Variants in EEF1AKMT2 observed in about 807,000 individuals in gnomAD.
EEF1AKMT2 encodes eukaryotic translation elongation factor 1 alpha lysine methyltransferase 2.
EEF1AKMT2 carries 32 observed loss-of-function variants against 35.8 expected under a neutral mutation model. The observed-to-expected ratio is 0.89, with a 90% CI of 0.67 to 1.20. EEF1AKMT2 has a LOEUF of 1.20. Ranked by LOEUF, EEF1AKMT2 falls within the 50% of genes most tolerant of loss-of-function variation. The pLI is 0.00. For missense variants in EEF1AKMT2, 330 were observed against 347.5 expected (o/e 0.95, Z 0.40); for synonymous variants, 121 against 133.7 (o/e 0.91, Z 0.65).
downstream of EEF1AKMT2, among the ~76,000 whole-genome samples, chr10:124,757,201 C>CACACACACACACACAT (rs58336696): frequency 7.3e-6 from 1 of 137,328 alleles, no homozygotes; most frequent in African/African-American, 2.7e-5. Flanking sequence ...CACACACACA[C>CACACACACACACACAT]GACATTAGCT....
At chr10:124,790,558 T>C (rs1312879579) in intron 1 of EEF1AKMT2, among the ~76,000 whole-genome samples, 1 of 152,090 alleles carries the variant, frequency 6.6e-6, no homozygotes, top group East Asian at 1.9e-4. Flanking sequence ...GTAAAGCATT[T>C]AGGACAATAT....
chr10:124,788,665 T>C (rs1252568562), intron 3 of EEF1AKMT2, among the ~76,000 whole-genome samples: 1 of 141,200 alleles, frequency 7.1e-6, no homozygotes, highest in East Asian at 2.1e-4. Context: ...TGCTTACCTA[T>C]AAGATAAGAT....
intron 4 of EEF1AKMT2, among the ~76,000 whole-genome samples, chr10:124,768,031 T>C (rs1950394709): frequency 6.6e-6 from 1 of 152,136 alleles, no homozygotes; most frequent in South Asian, 2.1e-4. Context: ...TCTAAGGTGT[T>C]ATTTGAGCAA....
At position 124,790,324 on chromosome 10, in the gene EEF1AKMT2, TAGAC is replaced by T. The variant is rs1564911962; in HGVS notation, c.121_124del (p.Val41MetfsTer24). 6.2e-7 allele frequency: 1 copy of T among 1,611,272 alleles called. No individual in the cohort carries two copies. Among genetic ancestry groups the T allele is most frequent in the Non-Finnish European group, 8.5e-7 (1 of 1,177,442 alleles). Reference sequence around the variant, plus strand: ...TCGGAAAGTTTGCAGTTCTCTCTCATAGACAGCATCCCAACTATGTAAACAATGA... The same window carrying T: ...TCGGAAAGTTTGCAGTTCTCTCTCATAGCATCCCAACTATGTAAACAATGA... On this transcript the variant is annotated frameshift_variant, in exon 2 of 7. Coordinates refer to ENST00000368836, the MANE Select transcript of EEF1AKMT2 (RefSeq NM_212554.4). LOFTEE classifies it high-confidence loss of function.
chr10:124,757,266 A>G (rs1299903463), downstream of EEF1AKMT2, among the ~76,000 whole-genome samples: 1 of 151,622 alleles, frequency 6.6e-6, no homozygotes, highest in Non-Finnish European at 1.5e-5. Flanking sequence ...CTCAAAGCAG[A>G]GGGCTGTCCA....
chr10:124,759,747 C>T lies in EEF1AKMT2; in HGVS notation c.*756G>A, dbSNP rs1950314220. ...TCAATTACTTAATAAGACAACTTAA[C>T]ATAGCGCTAGCAAATAATAACATTC... is the stretch of plus-strand genomic sequence containing the variant. On this transcript the variant is annotated 3_prime_UTR_variant, in exon 7 of 7. Transcript: ENST00000368836. 6.6e-6 allele frequency: 1 copy of T among 152,218 alleles called. No individual in the cohort carries two copies. Among genetic ancestry groups the T allele is most frequent in the African/African-American group, 2.4e-5 (1 of 41,458 alleles). 9.4% of individuals were successfully genotyped at this position (152,218 alleles called of 1,614,324 possible). A position where few individuals can be genotyped will look rare whatever the true frequency, so the allele number is the denominator to read the frequency against.
rs753048740 is a variant in EEF1AKMT2, at chr10:124,774,735, A to G, written c.339T>C (p.Ser113=). 6.7e-7 allele frequency: 1 copy of G among 1,486,368 alleles called. No individual in the cohort carries two copies. The highest frequency in any genetic ancestry group is 1.5e-5 in the South Asian group (1 of 66,546). The allele number at this position is 1,486,368 out of a possible 1,614,324, so 92.1% of individuals were successfully genotyped here. The change falls in exon 4 of 7, where the codon TCT becomes TCC. Residue 113 remains serine, a synonymous_variant. Coordinates refer to ENST00000368836, the MANE Select transcript of EEF1AKMT2 (RefSeq NM_212554.4). ...SNITGIDYSP[S]AIQLSGSIIE... ...TAATACTTCCAGAAAGCTGAATTGC[A>G]GAAGGAGAGTAATCAATTCCAGTAA... is the stretch of plus-strand genomic sequence containing the variant.
At chr10:124,765,678 TG>T in intron 4 of EEF1AKMT2, 70 bp from the exon 5 acceptor site, 1 of 1,157,256 alleles carries the variant, frequency 8.6e-7, no homozygotes, top group South Asian at 1.4e-5. Context: ...AGTGACAACC[TG>T]TAAAAGGTTA....
At chr10:124,787,651 C>T (rs1054374183) in intron 3 of EEF1AKMT2, among the ~76,000 whole-genome samples, 1 of 150,906 alleles carries the variant, frequency 6.6e-6, no homozygotes, top group Non-Finnish European at 1.5e-5. Context: ...AAATATGAGG[C>T]GACAGGATCG....
At chr10:124,768,593 G>A (rs548597111) in intron 4 of EEF1AKMT2, among the ~76,000 whole-genome samples, 94 of 152,030 alleles carry the variant, frequency 6.2e-4, no homozygotes, top group Non-Finnish European at 9.3e-4. Flanking sequence ...AAAAAAATAC[G>A]AAGAAAATTA....
chr10:124,788,613 C>G (rs77634202), intron 3 of EEF1AKMT2, among the ~76,000 whole-genome samples: 5,635 of 150,508 alleles, frequency 0.037, 144 homozygotes, highest in South Asian at 0.099. Context: ...GAATGTTTAC[C>G]GAAACACAGT....
intron 4 of EEF1AKMT2, among the ~76,000 whole-genome samples, chr10:124,773,058 G>A (rs1245372134): frequency 1.3e-5 from 2 of 152,106 alleles, no homozygotes; most frequent in Non-Finnish European, 1.5e-5. Context: ...TTGGCCTATC[G>A]CGGTTTTCAA....
intron 3 of EEF1AKMT2, among the ~76,000 whole-genome samples, chr10:124,787,894 TA>T (rs1254912366): frequency 3.9e-5 from 6 of 152,218 alleles, no homozygotes; most frequent in Admixed American, 6.5e-5. Flanking sequence ...TTGTGCACTT[TA>T]ATGTACACAC....
chr10:124,781,321 G>A (rs564829841), intron 3 of EEF1AKMT2, among the ~76,000 whole-genome samples: 19 of 151,874 alleles, frequency 1.3e-4, no homozygotes, highest in African/African-American at 4.6e-4. Context: ...GCTCACGCCT[G>A]TTATCCCAGC....
In EEF1AKMT2 at chr10:124,760,044, A is replaced by C. The variant is rs1256588858; in HGVS notation, c.*459T>G. The C allele has an allele frequency of 4.7e-6, 1 of 214,630 alleles. No individual in the cohort carries two copies. The highest frequency in any genetic ancestry group is 2.3e-5 in the African/African-American group (1 of 43,932). 13.3% of individuals were successfully genotyped at this position (214,630 alleles called of 1,614,324 possible). On this transcript the variant is annotated 3_prime_UTR_variant, in exon 7 of 7. Transcript: ENST00000368836. ...TTCTGATGCTGGAATAATTTGGTCA[A>C]ATATTCATAAATAGTTATCAACTTT...
At chr10:124,775,973 A>G (rs1371352233) in intron 3 of EEF1AKMT2, among the ~76,000 whole-genome samples, 3 of 151,078 alleles carry the variant, frequency 2.0e-5, no homozygotes, top group Admixed American at 2.0e-4. Flanking sequence ...GCTGCAATGC[A>G]GTGGCACGAT....
chr10:124,776,063 G>A (rs1285160437), intron 3 of EEF1AKMT2, among the ~76,000 whole-genome samples: 4 of 151,902 alleles, frequency 2.6e-5, no homozygotes, highest in African/African-American at 7.3e-5. Flanking sequence ...GACTACAGGC[G>A]CCCGCCACCA....
chr10:124,791,502 C>T (rs1362662424), intron 1 of EEF1AKMT2, among the ~76,000 whole-genome samples: 1 of 152,206 alleles, frequency 6.6e-6, no homozygotes, highest in Non-Finnish European at 1.5e-5. Flanking sequence ...CCACAAGCCC[C>T]TTGGGCTCCA....
chr10:124,777,174 G>T (rs1473980734), intron 3 of EEF1AKMT2, among the ~76,000 whole-genome samples: 3 of 151,028 alleles, frequency 2.0e-5, no homozygotes, highest in Non-Finnish European at 4.4e-5. Context: ...AGCTACTCAG[G>T]AAGATGAGGC....
Sources: gnomAD v4.1 joint callset for allele counts (sites outside exome capture counted in the v4.1 genomes callset) on GRCh38, gnomAD v4.1.1 for gene constraint, MANE v1.5 for transcripts, NCBI Gene and HGNC (gene_info 2026-07-23, HGNC 2026-07-21) for gene names.